VIPR2: variants seen among roughly 807,000 people sequenced by gnomAD.
VIPR2 encodes vasoactive intestinal polypeptide receptor 2.
In VIPR2, 48 loss-of-function variants were observed where a neutral mutation model predicts 58.0. The observed-to-expected ratio is 0.83, with a 90% CI of 0.66 to 1.05. The LOEUF (loss-of-function observed/expected upper bound fraction) is 1.05, where lower values mean the gene tolerates loss of function less well. Ranked by LOEUF, VIPR2 falls within the 50% of genes least tolerant of loss-of-function variation. The probability of loss-of-function intolerance (pLI) is 0.00; values close to 1 mark genes in which losing one functional copy is unlikely to be tolerated. For missense variants in VIPR2, 534 were observed against 558.0 expected, an observed-to-expected ratio of 0.96 and a Z score of 0.43; for synonymous variants, 243 against 235.2, an observed-to-expected ratio of 1.03 and a Z score of -0.30.
At chr7:159,126,054 G>A (rs1452144410) in intron 2 of VIPR2, among the ~76,000 whole-genome samples, 1 of 152,128 alleles carries the variant, frequency 6.6e-6, no homozygotes, top group African/African-American at 2.4e-5. Flanking sequence ...CACCATCCAG[G>A]TCCAGATTTC....
chr7:159,101,892 G>C (rs59533329), intron 4 of VIPR2, among the ~76,000 whole-genome samples: 28 of 131,506 alleles, frequency 2.1e-4, no homozygotes, highest in African/African-American at 8.0e-4. Flanking sequence ...GTAGTGAACG[G>C]GTCTCACGAG....
chr7:159,082,353 A>G (rs1180766427), intron 4 of VIPR2, among the ~76,000 whole-genome samples: 1 of 152,196 alleles, frequency 6.6e-6, no homozygotes, highest in Admixed American at 6.5e-5. Flanking sequence ...TTCTCAGCAA[A>G]CTATCGCAAG....
At chr7:159,074,565 T>C (rs966842307) in intron 4 of VIPR2, among the ~76,000 whole-genome samples, 1 of 152,166 alleles carries the variant, frequency 6.6e-6, no homozygotes, top group African/African-American at 2.4e-5. Flanking sequence ...CTTTGTAGCC[T>C]CCAAAGCTTG....
In VIPR2 at chr7:159,127,364, T is replaced by C. The variant is rs1347395635; in HGVS notation, c.151+15082A>G. Among the ~76,000 whole-genome samples the C allele has an allele frequency of 6.6e-6, 1 of 152,208 alleles. No homozygotes were observed. The highest frequency in any genetic ancestry group is 1.5e-5 in the Non-Finnish European group (1 of 68,036). On this transcript the variant is annotated intron_variant, in intron 2 of 12. Transcript: ENST00000262178. This position sits in a 1 kb window ranked among gnomAD's most constrained non-coding sequence, Gnocchi z 4.6. The stretch of plus-strand genomic sequence containing the variant: ...CAGGCGGGGGCCACATTCTGGTACC[T>C]GAACAAACATTAAACCCACAACTCC...
chr7:159,143,010 TCTAA>T (rs1242799695), intron 1 of VIPR2, among the ~76,000 whole-genome samples: 2 of 152,160 alleles, frequency 1.3e-5, no homozygotes, highest in African/African-American at 4.8e-5. Flanking sequence ...AGCTTAACCC[TCTAA>T]CTACAGATAA....
intron 5 of VIPR2, among the ~76,000 whole-genome samples, chr7:159,058,099 G>A (rs115435859): frequency 0.012 from 1,872 of 152,292 alleles, 38 homozygotes; most frequent in African/African-American, 0.043. Flanking sequence ...CAGACAGCCT[G>A]ACTCCACCTT....
At chr7:159,100,492 C>T (rs72505599) in intron 4 of VIPR2, among the ~76,000 whole-genome samples, 1 of 151,904 alleles carries the variant, frequency 6.6e-6, no homozygotes, top group African/African-American at 2.4e-5. Context: ...CCAGCCAGCA[C>T]CACCTTATCT....
chr7:159,064,164 G>C (rs971943087), intron 4 of VIPR2, among the ~76,000 whole-genome samples: 14 of 152,038 alleles, frequency 9.2e-5, no homozygotes, highest in African/African-American at 3.4e-4. Flanking sequence ...GAGCAGAAAG[G>C]AGGCGATGCG....
chr7:159,101,799 C>T (rs1354842039), intron 4 of VIPR2, among the ~76,000 whole-genome samples: 18 of 136,608 alleles, frequency 1.3e-4, no homozygotes, highest in African/African-American at 3.0e-4. Flanking sequence ...TCACGAGATC[C>T]GACGAGGCCG....
At chr7:159,129,993 T>C (rs1211414387) in intron 2 of VIPR2, among the ~76,000 whole-genome samples, 1 of 144,148 alleles carries the variant, frequency 6.9e-6, no homozygotes, top group Non-Finnish European at 1.5e-5. Context: ...GTGACCAGTT[T>C]CACACTCTGT....
chr7:159,143,485 A>G (rs975217925), intron 1 of VIPR2, among the ~76,000 whole-genome samples: 1 of 152,226 alleles, frequency 6.6e-6, no homozygotes, highest in Admixed American at 6.5e-5. Flanking sequence ...GAAATGGTCA[A>G]TGAGAGTTCC....
intron 4 of VIPR2, among the ~76,000 whole-genome samples, chr7:159,062,544 C>T (rs1855754173): frequency 6.6e-6 from 1 of 152,006 alleles, no homozygotes. Flanking sequence ...TTCATTCCTC[C>T]CGCCCAGAGT....
Position 159,061,878 on chromosome 7 carries a change from C to G in VIPR2, c.358-3300G>C, listed in dbSNP as rs900438591. Reference sequence around the variant, plus strand: ...GCTGTGCGGGGAAGCCAGGCCGGCTCGGACGCACTGCTAGCGGGAGAAGCC... The same window carrying G: ...GCTGTGCGGGGAAGCCAGGCCGGCTGGGACGCACTGCTAGCGGGAGAAGCC... On this transcript the variant is annotated intron_variant, in intron 4 of 12. Transcript: ENST00000262178. Among the ~76,000 whole-genome samples the G allele has an allele frequency of 2.2e-3, 338 of 152,218 alleles. 7 individuals carry two copies. The highest frequency in any genetic ancestry group is 3.9e-4 in the East Asian group (2 of 5,144).
In VIPR2 at chr7:159,119,855, C is replaced by T. The variant is rs925843710; in HGVS notation, c.152-9936G>A. Reference sequence around the variant, plus strand: ...TGGGGTCGGAAGAAACACCTGTCCCCCTTGATGCACGAAGCCTGGTAGGTG... The same window carrying T: ...TGGGGTCGGAAGAAACACCTGTCCCTCTTGATGCACGAAGCCTGGTAGGTG... On this transcript the variant is annotated intron_variant, in intron 2 of 12. Transcript: ENST00000262178. 6.0e-5 allele frequency among the ~76,000 whole-genome samples: 9 copies of T among 150,454 alleles called. No individual in the cohort carries two copies. In the South Asian group the frequency reaches 1.5e-3, roughly 25 times the overall value.
intron 5 of VIPR2, among the ~76,000 whole-genome samples, chr7:159,044,621 T>C (rs573602089): frequency 4.7e-5 from 7 of 148,622 alleles, no homozygotes; most frequent in African/African-American, 7.4e-5. Flanking sequence ...CAAAAAACCA[T>C]AGACAAATAA....
chr7:159,049,565 G>A (rs533096973), intron 5 of VIPR2, among the ~76,000 whole-genome samples: 1 of 152,338 alleles, frequency 6.6e-6, no homozygotes, highest in African/African-American at 2.4e-5. Context: ...GATAAGGGCT[G>A]TTGGGTGACC....
intron 2 of VIPR2, among the ~76,000 whole-genome samples, chr7:159,131,043 A>G (rs1354640091): frequency 6.6e-6 from 1 of 152,210 alleles, no homozygotes; most frequent in African/African-American, 2.4e-5. Flanking sequence ...CGCCCAGTTC[A>G]TCTACATGCA....
intron 4 of VIPR2, among the ~76,000 whole-genome samples, chr7:159,064,266 G>A (rs1338840861): frequency 6.6e-6 from 1 of 152,030 alleles, no homozygotes; most frequent in East Asian, 1.9e-4. Flanking sequence ...CCCTGCCCCG[G>A]AGCCACTGGG....
At chr7:159,107,634 CT>C (rs1343612138) in intron 3 of VIPR2, among the ~76,000 whole-genome samples, 1 of 152,070 alleles carries the variant, frequency 6.6e-6, no homozygotes, top group Non-Finnish European at 1.5e-5. Context: ...CTGCCCGCTG[CT>C]TCTGGAACCG....
Sources: allele counts gnomAD v4.1 joint callset (sites outside exome capture counted in the v4.1 genomes callset), GRCh38; gene constraint gnomAD v4.1.1; non-coding constraint Gnocchi (gnomAD v3.1); transcripts MANE v1.5; gene names NCBI Gene and HGNC (gene_info 2026-07-23, HGNC 2026-07-21).